The following SH3RF2 variants were observed in gnomAD, a reference collection of about 807,000 sequenced individuals.
SH3RF2 encodes the protein E3 ubiquitin-protein ligase SH3RF2.
In SH3RF2, 43 loss-of-function variants were observed where a neutral mutation model predicts 59.0. The observed-to-expected ratio is 0.73, with a 90% confidence interval of 0.57 to 0.94. SH3RF2 has a LOEUF of 0.94. SH3RF2 is among the 40% of genes least tolerant of loss of function. The probability of loss-of-function intolerance (pLI) is 0.00; values close to 1 mark genes in which losing one functional copy is unlikely to be tolerated. For missense variants in SH3RF2, 930 were observed against 940.1 expected (o/e 0.99, Z 0.14); for synonymous variants, 391 against 391.5 (o/e 1.00, Z 0.01).
intron 2 of SH3RF2, among the ~76,000 whole-genome samples, chr5:145,975,469 G>C (rs1040552671): frequency 1.3e-4 from 20 of 152,218 alleles, no homozygotes; most frequent in African/African-American, 4.6e-4. Context: ...AGGAAAGAAA[G>C]GTATTTGGAT....
chr5:146,016,391 G>A (rs1488136487), intron 5 of SH3RF2, among the ~76,000 whole-genome samples: 1 of 151,872 alleles, frequency 6.6e-6, no homozygotes, highest in Admixed American at 6.6e-5. Flanking sequence ...TGGATGGATG[G>A]ATGGATGGAT....
chr5:146,068,296 G>A (rs1039922836), intron 9 of SH3RF2, among the ~76,000 whole-genome samples: 28 of 152,284 alleles, frequency 1.8e-4, no homozygotes, highest in African/African-American at 6.5e-4. Context: ...CATAGCTTCT[G>A]GACTCCCTTC....
chr5:146,055,726 T>C, intron 7 of SH3RF2: 1 of 535,202 alleles, frequency 1.9e-6, no homozygotes, highest in East Asian at 3.2e-5. Context: ...TCAAGTCTTC[T>C]AGCTCCACCA....
Position 145,998,708 on chromosome 5 carries a change from C to T in SH3RF2, c.379-1350C>T, listed in dbSNP as rs1482602177. Among the ~76,000 whole-genome samples the T allele has an allele frequency of 3.9e-5, 6 of 152,086 alleles. No individual in the cohort carries two copies. In the East Asian group the frequency reaches 5.8e-4, roughly 15 times the overall value. Reference sequence around the variant, plus strand: ...TGGGTGGATCATGAGGTCAGGAGATCGAGACCATCCTGGCCAACATAGTGA... The same window carrying T: ...TGGGTGGATCATGAGGTCAGGAGATTGAGACCATCCTGGCCAACATAGTGA... On this transcript the variant is annotated intron_variant, in intron 2 of 9. Transcript: ENST00000359120.
At chr5:146,012,484 G>A (rs1023296187) in intron 4 of SH3RF2, among the ~76,000 whole-genome samples, 3 of 152,130 alleles carry the variant, frequency 2.0e-5, no homozygotes, top group Admixed American at 6.5e-5. Flanking sequence ...CTGTGAATCT[G>A]TCTGGTCCTG....
chr5:145,988,642 A>G (rs1759809068), intron 2 of SH3RF2, among the ~76,000 whole-genome samples: 1 of 152,198 alleles, frequency 6.6e-6, no homozygotes, highest in Non-Finnish European at 1.5e-5. Context: ...TTTCTATGAA[A>G]AAAAACAAAA....
At chr5:145,957,982 G>A (rs1369923087) in intron 2 of SH3RF2, among the ~76,000 whole-genome samples, 3 of 151,914 alleles carry the variant, frequency 2.0e-5, no homozygotes, top group Non-Finnish European at 1.5e-5. Context: ...GCATGGTGGC[G>A]CATGCCTGTA....
intron 6 of SH3RF2, among the ~76,000 whole-genome samples, chr5:146,048,353 C>T (rs1159373298): frequency 6.6e-6 from 1 of 151,332 alleles, no homozygotes; most frequent in East Asian, 1.9e-4. Flanking sequence ...CAAACCACAT[C>T]ACTCTTAGCT....
intron 7 of SH3RF2, 178 bp from the exon 8 acceptor site, chr5:146,055,803 T>G: frequency 3.0e-6 from 2 of 664,882 alleles, no homozygotes; most frequent in Non-Finnish European, 5.1e-6. Context: ...TGTAGGGAGG[T>G]GGGGCCAACT....
intron 2 of SH3RF2, among the ~76,000 whole-genome samples, chr5:145,979,982 G>A (rs945766793): frequency 4.1e-4 from 62 of 152,182 alleles, no homozygotes; most frequent in African/African-American, 1.4e-3. Flanking sequence ...CCCGTGAGGT[G>A]ACAGAGACAT....
At chr5:146,018,498 A>C (rs920587503) in intron 5 of SH3RF2, among the ~76,000 whole-genome samples, 6 of 151,562 alleles carry the variant, frequency 4.0e-5, no homozygotes, top group Admixed American at 6.6e-5. Flanking sequence ...ATATCTATAT[A>C]TAGATATATA....
At chr5:146,043,815 C>A (rs990795602) in intron 5 of SH3RF2, 1 of 152,216 alleles carries the variant, frequency 6.6e-6, no homozygotes, top group African/African-American at 2.4e-5. Context: ...GAGGAGTACA[C>A]CGCTGTGGTT....
At chr5:145,959,666 C>CATAT (rs112801991) in intron 2 of SH3RF2, among the ~76,000 whole-genome samples, 10,290 of 142,268 alleles carry the variant, frequency 0.072, 1,183 homozygotes, top group African/African-American at 0.25. Context: ...TGTGTGTATA[C>CATAT]ATATATATAT....
intron 6 of SH3RF2, 150 bp downstream of exon 6, chr5:146,048,013 G>A: frequency 1.3e-6 from 1 of 753,614 alleles, no homozygotes; most frequent in Non-Finnish European, 2.2e-6. Flanking sequence ...TGAAATAATG[G>A]TGAAAAACAG....
intron 8 of SH3RF2, among the ~76,000 whole-genome samples, chr5:146,059,306 C>T (rs538634677): frequency 5.3e-5 from 8 of 152,142 alleles, no homozygotes; most frequent in South Asian, 2.1e-4. Flanking sequence ...CTGCAGCCCC[C>T]GACAAAAAGC....
chr5:146,064,776 A>AAAGGAAGG (rs1308778177), downstream of SH3RF2, among the ~76,000 whole-genome samples: 7 of 24,848 alleles, frequency 2.8e-4, no homozygotes, highest in African/African-American at 9.6e-4. Flanking sequence ...GGAAGGAAGG[A>AAAGGAAGG]AAGGAAGGAA....
intron 2 of SH3RF2, among the ~76,000 whole-genome samples, chr5:145,982,425 G>A (rs1364393962): frequency 2.0e-5 from 3 of 152,166 alleles, no homozygotes; most frequent in East Asian, 1.9e-4. Context: ...GATCCATGTC[G>A]AGAGGAGGCA....
At chr5:146,022,710 T>C (rs1761371841) in intron 5 of SH3RF2, among the ~76,000 whole-genome samples, 1 of 151,904 alleles carries the variant, frequency 6.6e-6, no homozygotes, top group Admixed American at 6.6e-5. Flanking sequence ...CCGTCTCTAC[T>C]AAAAATACAA....
At chr5:145,937,752 C>G in intron 1 of SH3RF2, 71 bp from the exon 2 acceptor site, 1 of 702,866 alleles carries the variant, frequency 1.4e-6, no homozygotes, top group Non-Finnish European at 2.4e-6. Flanking sequence ...GAGACACTGC[C>G]TCAATGTAGG....
Sources: allele counts gnomAD v4.1 joint callset (sites outside exome capture counted in the v4.1 genomes callset), GRCh38; gene constraint gnomAD v4.1.1; transcripts MANE v1.5; gene names NCBI Gene and HGNC (gene_info 2026-07-23, HGNC 2026-07-21).